Variants in SNPH observed in about 807,000 individuals in gnomAD.
SNPH encodes the protein syntaphilin.
In SNPH, 10 loss-of-function variants were observed where a neutral mutation model predicts 36.8. That is an observed-to-expected ratio of 0.27 (90% CI 0.17 to 0.46). The LOEUF is 0.46. Ranked by LOEUF, SNPH falls within the 20% of genes least tolerant of loss-of-function variation. The pLI, the probability that SNPH is intolerant of heterozygous loss-of-function variation, is 1.00. For missense variants in SNPH, 622 were observed against 744.0 expected (o/e 0.84, Z 1.91); for synonymous variants, 281 against 312.2 (o/e 0.90, Z 1.05).
chr20:1,289,510 A>T (rs1407123225), intron 2 of SNPH, among the ~76,000 whole-genome samples: 1 of 86,678 alleles, frequency 1.2e-5, no homozygotes, highest in African/African-American at 5.0e-5. Flanking sequence ...GGTTCATTTA[A>T]ATACACACAC....
chr20:1,268,232 C>T (rs903100828), intron 2 of SNPH, among the ~76,000 whole-genome samples: 4 of 152,150 alleles, frequency 2.6e-5, no homozygotes, highest in African/African-American at 9.7e-5. Flanking sequence ...GACTGTAGCC[C>T]AGCATTGGGT....
At chr20:1,303,553 T>G (rs1157796969) in intron 6 of SNPH, among the ~76,000 whole-genome samples, 2 of 152,234 alleles carry the variant, frequency 1.3e-5, no homozygotes, top group Non-Finnish European at 1.5e-5. Flanking sequence ...CCTCAGTACC[T>G]GTTGCCTTGT....
chr20:1,303,800 G>A (rs2088533191), intron 6 of SNPH, among the ~76,000 whole-genome samples: 1 of 152,218 alleles, frequency 6.6e-6, no homozygotes, highest in Non-Finnish European at 1.5e-5. Context: ...GAACCCCAGA[G>A]TGACAGGCAC....
chr20:1,300,659 A>C lies in SNPH; in HGVS notation c.388A>C (p.Ile130Leu), dbSNP rs1275350856. Residue 130 changes from isoleucine (I) to leucine (L), a missense_variant, in exon 6 of 7, where the codon ATC (isoleucine) becomes CTC (leucine). Around this residue, in one of 3 missense-constraint regions of SNPH, gnomAD observed 187 missense variants for 209.4 expected, o/e 0.89. Transcript: ENST00000381867. ...CCCCCTGCAGCAGAAGGAGGTGTGCATCCGGCACCTGAAAGCCCGGCTGAA... is the reference window on the plus strand; with the variant it reads ...CCCCCTGCAGCAGAAGGAGGTGTGCCTCCGGCACCTGAAAGCCCGGCTGAA... ...LTPLQQKEVCIRHLKARLKDT... is the reference protein window; with the variant it reads ...LTPLQQKEVCLRHLKARLKDT... The C allele has an allele frequency of 1.2e-6, 2 of 1,612,986 alleles. No individual in the cohort carries two copies. Among genetic ancestry groups the C allele is most frequent in the Admixed American group, 1.7e-5 (1 of 60,010 alleles).
chr20:1,304,917 C>T lies in SNPH; in HGVS notation c.480C>T (p.Arg160=). 1 of 1,613,494 alleles carries T rather than the reference C, an allele frequency of 6.2e-7. No individual in the cohort carries two copies. The highest frequency in any genetic ancestry group is 8.5e-7 in the Non-Finnish European group (1 of 1,180,012). The change falls in exon 7 of 7, where the codon CGC becomes CGT. Residue 160 remains arginine, a synonymous_variant. Coordinates refer to ENST00000381867, the MANE Select transcript of SNPH (RefSeq NM_001318234.2). The surrounding 1 kb of genome is among the most constrained non-coding windows in gnomAD (Gnocchi z 4.3). Reference sequence around the variant, plus strand: ...ATGACCTGAAGACGCAGCTGTCACGCATGCAGGAGGACTGGATTGAGGAGG... The same window carrying T: ...ATGACCTGAAGACGCAGCTGTCACGTATGCAGGAGGACTGGATTGAGGAGG... ...EIDDLKTQLS[R]MQEDWIEEEC...
chr20:1,304,001 A>G lies in SNPH; in HGVS notation c.441-877A>G, dbSNP rs568450062. The stretch of plus-strand genomic sequence containing the variant: ...TGGTTTTACCTCTAGACCTGATGGC[A>G]TATTTTTCTAACTTACCTCCCTCCC... On this transcript the variant is annotated intron_variant, in intron 6 of 6. Transcript: ENST00000381867. This position sits in a 1 kb window ranked among gnomAD's most constrained non-coding sequence, Gnocchi z 4.3. Among the ~76,000 whole-genome samples the G allele has an allele frequency of 9.9e-5, 15 of 152,214 alleles. No homozygotes were observed. The South Asian group carries it at 2.7e-3, about 27-fold the overall frequency.
At chr20:1,273,734 G>A (rs1009071214) in intron 2 of SNPH, among the ~76,000 whole-genome samples, 9 of 152,158 alleles carry the variant, frequency 5.9e-5, no homozygotes, top group Non-Finnish European at 1.3e-4. Context: ...TGCATTATTC[G>A]TAGCCTGGAA....
At chr20:1,275,714 T>G (rs1040998650) in intron 2 of SNPH, among the ~76,000 whole-genome samples, 1 of 152,094 alleles carries the variant, frequency 6.6e-6, no homozygotes, top group Non-Finnish European at 1.5e-5. Flanking sequence ...TTAGCTGGGC[T>G]CTTACACCAA....
intron 4 of SNPH, 100 bp from the exon 5 acceptor site, chr20:1,297,045 G>A: frequency 6.7e-7 from 1 of 1,482,076 alleles, no homozygotes; most frequent in South Asian, 1.4e-5. Flanking sequence ...TGACCCCAAA[G>A]CGGGGGCACT....
rs2088619876 is a variant in SNPH, at chr20:1,309,046, A to G, written c.*2992A>G. ...TGCCACAAGCGCAGGGGTATCTTAC[A>G]GCACTTTGGGGAGGGGTGGGACAAA... On this transcript the variant is annotated 3_prime_UTR_variant, in exon 7 of 7. Transcript: ENST00000381867. The G allele has an allele frequency of 6.6e-6, 1 of 152,182 alleles. No homozygotes were observed. The highest frequency in any genetic ancestry group is 1.5e-5 in the Non-Finnish European group (1 of 68,002). 9.4% of individuals were successfully genotyped at this position (152,182 alleles called of 1,614,324 possible). A position where few individuals can be genotyped will look rare whatever the true frequency, so the allele number is the denominator to read the frequency against.
At chr20:1,278,874 AG>A (rs1297333549) in intron 2 of SNPH, among the ~76,000 whole-genome samples, 3 of 152,178 alleles carry the variant, frequency 2.0e-5, no homozygotes, top group Admixed American at 2.0e-4. Flanking sequence ...TAGTAGAGAC[AG>A]GGTTTCACCA....
At position 1,266,438 on chromosome 20, in the gene SNPH, A is replaced by G. The variant is rs1417687025; in HGVS notation, c.-600+41A>G. ...CCGGGGATCTCCGGGCCCACCGCCC[A>G]GCTGCACCCGCCGCAGTCCAGAGTG... On this transcript the variant is annotated intron_variant, in intron 1 of 6. Coordinates refer to ENST00000381867, the MANE Select transcript of SNPH (RefSeq NM_001318234.2). This position sits in a 1 kb window ranked among gnomAD's most constrained non-coding sequence, Gnocchi z 6.0. 2.6e-5 allele frequency: 15 copies of G among 577,182 alleles called. 1 individual carries two copies. Among genetic ancestry groups the G allele is most frequent in the Non-Finnish European group, 4.1e-5 (15 of 367,172 alleles). The allele number at this position is 577,182 out of a possible 1,614,324, so 35.8% of individuals were successfully genotyped here. A position where few individuals can be genotyped will look rare whatever the true frequency, so the allele number is the denominator to read the frequency against.
rs1326755013 is a variant in SNPH, at chr20:1,304,125, C to G, written c.441-753C>G. On this transcript the variant is annotated intron_variant, in intron 6 of 6. Coordinates refer to ENST00000381867, the MANE Select transcript of SNPH (RefSeq NM_001318234.2). The surrounding 1 kb of genome is among the most constrained non-coding windows in gnomAD (Gnocchi z 4.3). ...TATCTTGTTCACCTGGTGCTTGCCCCCGTCGCTCAGGAGTAACTCTATGCC... is the reference window on the plus strand; with the variant it reads ...TATCTTGTTCACCTGGTGCTTGCCCGCGTCGCTCAGGAGTAACTCTATGCC... Among the ~76,000 whole-genome samples, 1 of 152,150 alleles carries G rather than the reference C, an allele frequency of 6.6e-6. No homozygotes were observed. Among genetic ancestry groups the G allele is most frequent in the Non-Finnish European group, 1.5e-5 (1 of 68,022 alleles).
intron 2 of SNPH, among the ~76,000 whole-genome samples, chr20:1,278,218 T>C (rs911355431): frequency 2.7e-5 from 4 of 149,674 alleles, no homozygotes; most frequent in Non-Finnish European, 4.5e-5. Context: ...GTGTGTGTGT[T>C]TGTGTGTCAG....
chr20:1,274,314 G>T (rs900640540), intron 2 of SNPH, among the ~76,000 whole-genome samples: 1 of 151,880 alleles, frequency 6.6e-6, no homozygotes, highest in Non-Finnish European at 1.5e-5. Flanking sequence ...GCAAGTGCCA[G>T]CAAGGAAGGC....
intron 2 of SNPH, among the ~76,000 whole-genome samples, chr20:1,272,295 T>C (rs1181144622): frequency 6.6e-6 from 1 of 152,210 alleles, no homozygotes; most frequent in Non-Finnish European, 1.5e-5. Context: ...TGATGTTGTC[T>C]CCTAAGGTCA....
In SNPH at chr20:1,305,522, T is replaced by A. The variant is rs376282382; in HGVS notation, c.1085T>A (p.Phe362Tyr). ...CMQERAIQTD[F>Y]VQYQPDLDTI... ...CAGGAGCGTGCCATCCAGACAGACT[T>A]CGTGCAGTACCAGCCTGACCTTGAC... The change falls in exon 7 of 7, where the codon TTC becomes TAC. Residue 362 changes from phenylalanine to tyrosine, a missense_variant. Transcript: ENST00000381867. 1.2e-6 allele frequency: 2 copies of A among 1,613,078 alleles called. No individual in the cohort carries two copies. Among genetic ancestry groups the A allele is most frequent in the Non-Finnish European group, 1.7e-6 (2 of 1,179,948 alleles).
In SNPH at chr20:1,285,640, C is replaced by A. The variant is rs1208744239; in HGVS notation, c.-492-9311C>A. On this transcript the variant is annotated intron_variant, in intron 2 of 6. Coordinates refer to ENST00000381867, the MANE Select transcript of SNPH (RefSeq NM_001318234.2). The surrounding 1 kb of genome is among the most constrained non-coding windows in gnomAD (Gnocchi z 4.9). Reference sequence around the variant, plus strand: ...AATGAGGCTTAGAGGAGTAAAGTGGCATTCCCACTGTCATAAAGATGGTGG... The same window carrying A: ...AATGAGGCTTAGAGGAGTAAAGTGGAATTCCCACTGTCATAAAGATGGTGG... Among the ~76,000 whole-genome samples the A allele has an allele frequency of 6.6e-6, 1 of 152,178 alleles. No individual in the cohort carries two copies. The highest frequency in any genetic ancestry group is 2.4e-5 in the African/African-American group (1 of 41,434).
At chr20:1,286,282 GC>G (rs2088283466) in intron 2 of SNPH, among the ~76,000 whole-genome samples, 1 of 152,128 alleles carries the variant, frequency 6.6e-6, no homozygotes, top group South Asian at 2.1e-4. Flanking sequence ...GCAAGTGTGA[GC>G]CACACTGGGC....
Sources: gnomAD v4.1 joint callset for allele counts (sites outside exome capture counted in the v4.1 genomes callset) on GRCh38, gnomAD v4.1.1 for gene constraint, gnomAD v4.1.1 regional missense constraint, Gnocchi (gnomAD v3.1) non-coding constraint, MANE v1.5 for transcripts, NCBI Gene and HGNC (gene_info 2026-07-23, HGNC 2026-07-21) for gene names.